Variants in ABHD6 observed in about 807,000 individuals in gnomAD.
ABHD6 encodes the protein monoacylglycerol lipase ABHD6.
A neutral mutation model predicts 38.8 loss-of-function variants in ABHD6; 33 were observed. The observed-to-expected ratio is 0.85, with a 90% confidence interval of 0.64 to 1.14. The LOEUF is 1.14. ABHD6 is among the 50% of genes most tolerant of loss of function. The probability of loss-of-function intolerance (pLI) is 0.00; values close to 1 mark genes in which losing one functional copy is unlikely to be tolerated. For missense variants in ABHD6, 380 were observed against 422.6 expected (o/e 0.90, Z 0.88); for synonymous variants, 147 against 161.6 (o/e 0.91, Z 0.69).
chr3:58,253,951 C>T (rs146429750), intron 2 of ABHD6, among the ~76,000 whole-genome samples: 40 of 152,282 alleles, frequency 2.6e-4, no homozygotes, highest in African/African-American at 8.9e-4. Context: ...TCTCCTTCTC[C>T]AGGCTGTGAG....
chr3:58,242,838 G>A (rs1186765803), intron 1 of ABHD6, among the ~76,000 whole-genome samples: 6 of 152,046 alleles, frequency 3.9e-5, no homozygotes, highest in Non-Finnish European at 4.4e-5. Context: ...CGTCATTTAC[G>A]TTAGGTATTT....
intron 9 of ABHD6, among the ~76,000 whole-genome samples, chr3:58,286,046 G>A (rs2097456716): frequency 6.7e-6 from 1 of 149,498 alleles, no homozygotes; most frequent in Non-Finnish European, 1.5e-5. Flanking sequence ...TTTAGACGAA[G>A]TCTTGCTCTG....
chr3:58,291,371 AGAGAGGGAGAGGGAGACCGTGGG>A (rs1273622164), intron 9 of ABHD6, among the ~76,000 whole-genome samples: 2 of 151,972 alleles, frequency 1.3e-5, no homozygotes, highest in Non-Finnish European at 1.5e-5. Flanking sequence ...GACCCTGGAA[AGAGAGGGAGAGGGAGACCGTGGG>A]GAGAGGGAGA....
chr3:58,259,652 G>A lies in ABHD6; in HGVS notation c.119+2947G>A, dbSNP rs2097435712. On this transcript the variant is annotated intron_variant, in intron 3 of 9. Transcript: ENST00000478253. The surrounding 1 kb of genome is among the most constrained non-coding windows in gnomAD (Gnocchi z 4.7). The stretch of plus-strand genomic sequence containing the variant: ...GCCGAGATCGTGCCACTACACTTCA[G>A]CCTGGGTGACAGAGATGAGACTCTG... Among the ~76,000 whole-genome samples the A allele has an allele frequency of 6.6e-6, 1 of 152,202 alleles. No homozygotes were observed. Among genetic ancestry groups the A allele is most frequent in the South Asian group, 2.1e-4 (1 of 4,830 alleles).
In ABHD6 at chr3:58,263,444, C is replaced by T. The variant is rs1460454375; in HGVS notation, c.120-3745C>T. ...TTTTCCAGTTTCTTGTTTCTGGAGC[C>T]TAGGTAAACTTGTCCAGTGGATGTA... On this transcript the variant is annotated intron_variant, in intron 3 of 9. Coordinates refer to ENST00000478253, the MANE Select transcript of ABHD6 (RefSeq NM_001320126.2). The surrounding 1 kb of genome is among the most constrained non-coding windows in gnomAD (Gnocchi z 4.9). 1.3e-5 allele frequency among the ~76,000 whole-genome samples: 2 copies of T among 152,006 alleles called. No homozygotes were observed. Among genetic ancestry groups the T allele is most frequent in the Admixed American group, 1.3e-4 (2 of 15,258 alleles).
chr3:58,259,477 C>T lies in ABHD6; in HGVS notation c.119+2772C>T, dbSNP rs1183602817. Reference sequence around the variant, plus strand: ...GGAGGATCACTTGAGGCCAGGAGTTCGAGACCAGCCTGGCCAACATGGCGA... The same window carrying T: ...GGAGGATCACTTGAGGCCAGGAGTTTGAGACCAGCCTGGCCAACATGGCGA... On this transcript the variant is annotated intron_variant, in intron 3 of 9. Coordinates refer to ENST00000478253, the MANE Select transcript of ABHD6 (RefSeq NM_001320126.2). The surrounding 1 kb of genome is among the most constrained non-coding windows in gnomAD (Gnocchi z 4.7). Among the ~76,000 whole-genome samples the T allele has an allele frequency of 6.6e-6, 1 of 152,034 alleles. No homozygotes were observed. Among genetic ancestry groups the T allele is most frequent in the Non-Finnish European group, 1.5e-5 (1 of 68,016 alleles).
chr3:58,249,536 C>A (rs1459684763), intron 1 of ABHD6, among the ~76,000 whole-genome samples: 1 of 152,222 alleles, frequency 6.6e-6, no homozygotes, highest in Admixed American at 6.5e-5. Flanking sequence ...TCTGAACACA[C>A]TGTTTAGGTA....
intron 1 of ABHD6, among the ~76,000 whole-genome samples, chr3:58,244,770 A>C (rs1217750571): frequency 6.6e-6 from 1 of 151,828 alleles, no homozygotes; most frequent in Non-Finnish European, 1.5e-5. Flanking sequence ...AAAAAAAAGC[A>C]AAAAAAAGCA....
rs1259798121 is a variant in ABHD6, at chr3:58,263,645, ACAC to A, written c.120-3542_120-3540del. Among the ~76,000 whole-genome samples the A allele has an allele frequency of 2.6e-5, 4 of 152,140 alleles. No homozygotes were observed. On this transcript the variant is annotated intron_variant, in intron 3 of 9. Transcript: ENST00000478253. This position sits in a 1 kb window ranked among gnomAD's most constrained non-coding sequence, Gnocchi z 4.9. ...GCCTCTGCTGTCTCTACCTCCTGGCACACCTTCTCCAGCTTCCAGCTGATGTAT... is the reference window on the plus strand; with the variant it reads ...GCCTCTGCTGTCTCTACCTCCTGGCACTTCTCCAGCTTCCAGCTGATGTAT...
At chr3:58,250,553 T>A (rs1238757664) in intron 2 of ABHD6, among the ~76,000 whole-genome samples, 2 of 151,976 alleles carry the variant, frequency 1.3e-5, no homozygotes, top group African/African-American at 4.8e-5. Flanking sequence ...AGAATAGCCT[T>A]TACAGAAACA....
intron 3 of ABHD6, among the ~76,000 whole-genome samples, chr3:58,260,699 T>G (rs1001675935): frequency 6.6e-6 from 1 of 152,136 alleles, no homozygotes; most frequent in African/African-American, 2.4e-5. Context: ...GTGGGTCAGG[T>G]TAATTTTCAG....
Position 58,238,957 on chromosome 3 carries a change from A to T in ABHD6, c.-91+1041A>T, listed in dbSNP as rs544023782. ...AATCTTGTGTGCCAGGCCCTGTCCT[A>T]AGCCCCTTAAAAGAATTACCTGCCA... On this transcript the variant is annotated intron_variant, in intron 1 of 9. Coordinates refer to ENST00000478253, the MANE Select transcript of ABHD6 (RefSeq NM_001320126.2). This position sits in a 1 kb window ranked among gnomAD's most constrained non-coding sequence, Gnocchi z 6.9. 7.9e-5 allele frequency among the ~76,000 whole-genome samples: 12 copies of T among 152,156 alleles called. No individual in the cohort carries two copies. The South Asian group carries it at 2.5e-3, about 32-fold the overall frequency.
rs114700265 is a variant in ABHD6 at position 58,267,008 on chromosome 3, T to C, written c.120-181T>C. Among the ~76,000 whole-genome samples the C allele has an allele frequency of 0.018, 2,721 of 152,304 alleles. 75 individuals are homozygous for C. The highest frequency in any genetic ancestry group is 0.059 in the African/African-American group (2,452 of 41,566). On this transcript the variant is annotated intron_variant, in intron 3 of 9. Transcript: ENST00000478253. The surrounding 1 kb of genome is among the most constrained non-coding windows in gnomAD (Gnocchi z 4.3). ...ATTTAAGGTGTTCTCTGGAATGGTT[T>C]GGCTTTGTGTTCCTTGAGGGTAAAG... is the stretch of plus-strand genomic sequence containing the variant.
In ABHD6 at chr3:58,273,109, A is replaced by G. The variant is rs2097446198; in HGVS notation, c.524-1549A>G. Among the ~76,000 whole-genome samples the G allele has an allele frequency of 6.6e-6, 1 of 152,220 alleles. No individual in the cohort carries two copies. Among genetic ancestry groups the G allele is most frequent in the Non-Finnish European group, 1.5e-5 (1 of 68,050 alleles). On this transcript the variant is annotated intron_variant, in intron 6 of 9. Coordinates refer to ENST00000478253, the MANE Select transcript of ABHD6 (RefSeq NM_001320126.2). This position sits in a 1 kb window ranked among gnomAD's most constrained non-coding sequence, Gnocchi z 4.8. ...TAGGTTTAGTTTTAAAGAGAGGGGAAATAGATAATGTCATCTGCTTCATGG... is the reference window on the plus strand; with the variant it reads ...TAGGTTTAGTTTTAAAGAGAGGGGAGATAGATAATGTCATCTGCTTCATGG...
chr3:58,258,091 T>G (rs1418546714), intron 3 of ABHD6, among the ~76,000 whole-genome samples: 4 of 152,174 alleles, frequency 2.6e-5, no homozygotes, highest in African/African-American at 7.2e-5. Context: ...GCAGATCACC[T>G]GAGATCGGGA....
intron 7 of ABHD6, among the ~76,000 whole-genome samples, chr3:58,284,403 GC>G (rs1416287910): frequency 1.3e-5 from 2 of 150,964 alleles, no homozygotes; most frequent in African/African-American, 4.9e-5. Flanking sequence ...AACTTGTTCT[GC>G]GTTTGGATAT....
chr3:58,291,854 G>A (rs755093731), intron 9 of ABHD6, among the ~76,000 whole-genome samples: 8 of 152,198 alleles, frequency 5.3e-5, no homozygotes, highest in Non-Finnish European at 8.8e-5. Flanking sequence ...GGGCACTGAG[G>A]TGGGAGGATC....
At chr3:58,262,005 A>G (rs932456192) in intron 3 of ABHD6, among the ~76,000 whole-genome samples, 2 of 152,352 alleles carry the variant, frequency 1.3e-5, no homozygotes, top group South Asian at 4.1e-4. Flanking sequence ...ATTCAGCCTT[A>G]AAAAGGAATG....
At chr3:58,252,926 C>G (rs2097430997) in intron 2 of ABHD6, among the ~76,000 whole-genome samples, 1 of 152,216 alleles carries the variant, frequency 6.6e-6, no homozygotes, top group Non-Finnish European at 1.5e-5. Flanking sequence ...ATTGCCTACC[C>G]TTTATCTGTA....
Sources: gnomAD v4.1 joint callset for allele counts (sites outside exome capture counted in the v4.1 genomes callset) on GRCh38, gnomAD v4.1.1 for gene constraint, Gnocchi (gnomAD v3.1) non-coding constraint, MANE v1.5 for transcripts, NCBI Gene and HGNC (gene_info 2026-07-23, HGNC 2026-07-21) for gene names.